DOCK8: variants seen among roughly 807,000 people sequenced by gnomAD.
DOCK8 encodes dedicator of cytokinesis protein 8.
A neutral mutation model predicts 245.6 loss-of-function variants in DOCK8; 141 were observed. The observed-to-expected ratio is 0.57, with a 90% confidence interval of 0.50 to 0.66. The LOEUF (loss-of-function observed/expected upper bound fraction) is 0.66, where lower values mean the gene tolerates loss of function less well. Among genes scored for constraint, DOCK8 ranks in the 30% least tolerant of loss-of-function variants. The probability of loss-of-function intolerance (pLI) is 0.00; values close to 1 mark genes in which losing one functional copy is unlikely to be tolerated. For synonymous variants in DOCK8, 1,168 were observed against 970.2 expected (o/e 1.20, Z -3.79); for missense variants, 2,965 against 2,603.4 (o/e 1.14, Z -3.02).
Position 418,196 on chromosome 9 carries a change from C to T in DOCK8, c.3829C>T (p.Leu1277=), listed in dbSNP as rs2056114249. 6.2e-7 allele frequency: 1 copy of T among 1,614,048 alleles called. No individual in the cohort carries two copies. Among genetic ancestry groups the T allele is most frequent in the Non-Finnish European group, 8.5e-7 (1 of 1,180,016 alleles). ...NFNLKTSGIV[L]SSLPYKQYNM... ...CAATTTGAAAACAAGTGGAATAGTG[C>T]TGTCTTCCTTGGTATGTTGGTGCAC... The change falls in exon 30 of 48, where the codon CTG becomes TTG. Residue 1277 remains leucine, a synonymous_variant. Transcript: ENST00000432829.
At chr9:264,019 G>A (rs2129820690) in intron 1 of DOCK8, among the ~76,000 whole-genome samples, 1 of 152,218 alleles carries the variant, frequency 6.6e-6, no homozygotes, top group Non-Finnish European at 1.5e-5. Flanking sequence ...TATTACTTCT[G>A]CTCCAGTTTC....
intron 7 of DOCK8, among the ~76,000 whole-genome samples, chr9:324,859 G>T (rs1414134263): frequency 6.6e-6 from 1 of 152,110 alleles, no homozygotes; most frequent in Non-Finnish European, 1.5e-5. Flanking sequence ...TAGGGTAAGT[G>T]GTTTTTGGTT....
At chr9:304,779 C>T (rs1220691443) in intron 5 of DOCK8, 75 bp downstream of exon 5, 1 of 1,601,296 alleles carries the variant, frequency 6.2e-7, no homozygotes, top group Non-Finnish European at 8.6e-7. Context: ...GTTTTACAAA[C>T]TAGAATAAAC....
chr9:216,964 T>G (rs1031874808), intron 1 of DOCK8, among the ~76,000 whole-genome samples: 4 of 152,184 alleles, frequency 2.6e-5, no homozygotes, highest in African/African-American at 9.7e-5. Flanking sequence ...GACATGTTAC[T>G]TAACTTCTCT....
At chr9:391,668 G>C (rs1280143557) in intron 24 of DOCK8, among the ~76,000 whole-genome samples, 1 of 152,038 alleles carries the variant, frequency 6.6e-6, no homozygotes, top group Non-Finnish European at 1.5e-5. Flanking sequence ...TGCATAATGA[G>C]ATGATGTTGA....
chr9:441,878 C>G lies in DOCK8; in HGVS notation c.5359C>G (p.His1787Asp). ...CTTTTTATATTTTGTTCCTCAGGAT[C>G]ATAAGAGAATGTTTGGAACCTACTT... ...RAFDSIVNKD[H>D]KRMFGTYFRV... Residue 1787 changes from histidine (H) to aspartate (D), a missense_variant, in exon 42 of 48, where the codon CAT becomes GAT. Coordinates refer to ENST00000432829, the MANE Select transcript of DOCK8 (RefSeq NM_203447.4). The G allele has an allele frequency of 1.9e-6, 3 of 1,614,108 alleles. No homozygotes were observed. The highest frequency in any genetic ancestry group is 2.5e-6 in the Non-Finnish European group (3 of 1,180,030).
rs752540957 is a variant in DOCK8, at chr9:403,917, CATAT to C, written c.3235-992_3235-989del. ...CTATATATATATATATATATATATA[CATAT>C]ATATATATGTGTATATATATATGTG... On this transcript the variant is annotated intron_variant, in intron 26 of 47. Coordinates refer to ENST00000432829, the MANE Select transcript of DOCK8 (RefSeq NM_203447.4). 2.1e-4 allele frequency among the ~76,000 whole-genome samples: 14 copies of C among 65,132 alleles called. 2 individuals carry two copies. Among genetic ancestry groups the C allele is most frequent in the African/African-American group, 1.1e-3 (13 of 12,356 alleles). The allele number at this position is 65,132 out of a possible 152,430, so 42.7% of individuals were successfully genotyped here. A position where few individuals can be genotyped will look rare whatever the true frequency, so the allele number is the denominator to read the frequency against.
intron 1 of DOCK8, among the ~76,000 whole-genome samples, chr9:260,402 T>C (rs558300502): frequency 6.6e-6 from 1 of 152,364 alleles, no homozygotes; most frequent in South Asian, 2.1e-4. Context: ...GGATTCTTGG[T>C]TCTTCAGGAT....
chr9:211,411 A>C (rs951804084), upstream of DOCK8, among the ~76,000 whole-genome samples: 16 of 152,154 alleles, frequency 1.1e-4, no homozygotes, highest in African/African-American at 3.9e-4. Context: ...ACCAAAGCTA[A>C]ATGAGCAGAG....
At chr9:230,740 A>G (rs1303431766) in intron 1 of DOCK8, among the ~76,000 whole-genome samples, 1 of 151,352 alleles carries the variant, frequency 6.6e-6, no homozygotes, top group Admixed American at 6.6e-5. Context: ...CCACTTTTTG[A>G]TGGGGTTGTT....
In DOCK8 at chr9:450,339, T is replaced by C. The variant is rs148131690; in HGVS notation, c.5961+412T>C. On this transcript the variant is annotated intron_variant, in intron 45 of 47. Transcript: ENST00000432829. ...GAGAGAAGGAAAAGGATCTAGAACA[T>C]CCAACTCTTGGCTCAGTCAGCAGAT... Among the ~76,000 whole-genome samples, 164 of 152,212 alleles carry C rather than the reference T, an allele frequency of 1.1e-3. 1 individual carries two copies. The highest frequency in any genetic ancestry group is 3.7e-3 in the African/African-American group (153 of 41,526).
intron 28 of DOCK8, among the ~76,000 whole-genome samples, chr9:413,104 T>C (rs1173220106): frequency 6.6e-6 from 1 of 152,182 alleles, no homozygotes; most frequent in East Asian, 1.9e-4. Context: ...AAAATAAATC[T>C]TCATATTTAT....
chr9:224,014 T>C (rs2046938293), intron 1 of DOCK8, among the ~76,000 whole-genome samples: 1 of 152,160 alleles, frequency 6.6e-6, no homozygotes, highest in African/African-American at 2.4e-5. Flanking sequence ...AGATAACATA[T>C]AGCCGTGAAA....
chr9:399,845 TAGC>T (rs906454545), intron 26 of DOCK8, among the ~76,000 whole-genome samples: 2 of 151,956 alleles, frequency 1.3e-5, no homozygotes, highest in African/African-American at 4.8e-5. Context: ...GTAATATAAA[TAGC>T]AGTTATTGTT....
At chr9:449,969 T>TTTAGTTAA (rs2057377061) in intron 45 of DOCK8, 42 bp downstream of exon 45, 5 of 1,609,598 alleles carry the variant, frequency 3.1e-6, no homozygotes, top group Non-Finnish European at 4.2e-6. Context: ...GTTCTTATTA[T>TTTAGTTAA]TTAGGTTGTC....
chr9:242,976 A>T (rs1205002439), intron 1 of DOCK8, among the ~76,000 whole-genome samples: 1 of 152,178 alleles, frequency 6.6e-6, no homozygotes, highest in African/African-American at 2.4e-5. Flanking sequence ...AACTTGGAAT[A>T]TGATTTTAAG....
At chr9:460,921 C>T (rs181262556) in intron 46 of DOCK8, among the ~76,000 whole-genome samples, 48 of 152,318 alleles carry the variant, frequency 3.2e-4, no homozygotes, top group African/African-American at 8.7e-4. Context: ...TGATCACCCA[C>T]GTCTTATTCA....
intron 47 of DOCK8, among the ~76,000 whole-genome samples, 157 bp from the exon 48 acceptor site, chr9:464,002 G>A (rs2057895962): frequency 6.6e-6 from 1 of 152,168 alleles, no homozygotes; most frequent in Admixed American, 6.5e-5. Flanking sequence ...GTGTGAAGGG[G>A]TCGCAGACCT....
At chr9:334,181 G>C (rs921515118) in intron 10 of DOCK8, 44 bp from the exon 11 acceptor site, 3 of 1,612,426 alleles carry the variant, frequency 1.9e-6, no homozygotes, top group African/African-American at 1.3e-5. Context: ...AGTTGACTTG[G>C]TGCTGATGCT....
Sources: gnomAD v4.1 joint callset for allele counts (sites outside exome capture counted in the v4.1 genomes callset) on GRCh38, gnomAD v4.1.1 for gene constraint, MANE v1.5 for transcripts, NCBI Gene and HGNC (gene_info 2026-07-23, HGNC 2026-07-21) for gene names.